MACROD2: variants seen among roughly 807,000 people sequenced by gnomAD.
The protein encoded by MACROD2 is mono-ADP ribosylhydrolase 2, also known as ADP-ribose glycohydrolase MACROD2.
A neutral mutation model predicts 70.4 loss-of-function variants in MACROD2; 36 were observed. The ratio of observed to expected loss-of-function variants is 0.51; its 90% CI spans 0.39 to 0.68. MACROD2 has a LOEUF of 0.68. MACROD2 is among the 30% of genes least tolerant of loss of function. The pLI, the probability that MACROD2 is intolerant of heterozygous loss-of-function variation, is 0.00. For missense variants in MACROD2, 496 were observed against 538.4 expected (o/e 0.92, Z 0.78); for synonymous variants, 172 against 178.8 (o/e 0.96, Z 0.30).
chr20:14,378,100 C>T (rs150487206), intron 3 of MACROD2, among the ~76,000 whole-genome samples: 2 of 152,294 alleles, frequency 1.3e-5, no homozygotes, highest in East Asian at 1.9e-4. Flanking sequence ...TATTGAAAGA[C>T]AAATTGCTAG....
chr20:15,072,374 A>C (rs1022667124), intron 5 of MACROD2, among the ~76,000 whole-genome samples: 1 of 152,180 alleles, frequency 6.6e-6, no homozygotes, highest in East Asian at 1.9e-4. Context: ...AGGATAATTC[A>C]TTTTTCACTG....
intron 3 of MACROD2, among the ~76,000 whole-genome samples, chr20:14,168,893 A>C (rs747449067): frequency 6.6e-6 from 1 of 152,228 alleles, no homozygotes; most frequent in Non-Finnish European, 1.5e-5. Flanking sequence ...AGGAAAGGAC[A>C]TAACAAAAAA....
At chr20:15,182,007 C>A (rs2076504307) in intron 5 of MACROD2, among the ~76,000 whole-genome samples, 1 of 151,618 alleles carries the variant, frequency 6.6e-6, no homozygotes, top group Non-Finnish European at 1.5e-5. Context: ...AATAGGTGGT[C>A]AGATCATACC....
intron 2 of MACROD2, among the ~76,000 whole-genome samples, chr20:14,031,789 G>A (rs932328624): frequency 1.3e-5 from 2 of 152,066 alleles, no homozygotes; most frequent in African/African-American, 2.4e-5. Flanking sequence ...TAAAAATTAG[G>A]TGATTATCTT....
chr20:14,976,779 G>T (rs2423890), intron 5 of MACROD2, among the ~76,000 whole-genome samples: 1 of 151,928 alleles, frequency 6.6e-6, no homozygotes, highest in Non-Finnish European at 1.5e-5. Flanking sequence ...CCTTGCTGTG[G>T]TCCCATTTCC....
rs192015227 is a variant in MACROD2 at position 14,047,065 on chromosome 20, A to G, written c.164-38556A>G. On this transcript the variant is annotated intron_variant, in intron 2 of 17. Transcript: ENST00000684519. ...TAGAAAACAAATTACAGATGAGTAT[A>G]TAATGTGATACTCACATGAAGCTTA... Among the ~76,000 whole-genome samples, 517 of 152,282 alleles carry G rather than the reference A, an allele frequency of 3.4e-3. 12 individuals are homozygous for G. The highest frequency in any genetic ancestry group is 0.031 in the Admixed American group (468 of 15,294).
At chr20:14,359,242 T>C (rs1461148686) in intron 3 of MACROD2, among the ~76,000 whole-genome samples, 2 of 151,964 alleles carry the variant, frequency 1.3e-5, no homozygotes, top group East Asian at 3.9e-4. Context: ...TCATGAATAA[T>C]TATCTGTAGG....
intron 4 of MACROD2, among the ~76,000 whole-genome samples, chr20:14,622,461 G>A (rs1983886952): frequency 6.6e-6 from 1 of 152,096 alleles, no homozygotes. Flanking sequence ...CTATGCAAAT[G>A]AATAAAACTT....
At chr20:15,537,727 G>A (rs1448171422) in intron 8 of MACROD2, among the ~76,000 whole-genome samples, 3 of 151,978 alleles carry the variant, frequency 2.0e-5, no homozygotes, top group Non-Finnish European at 4.4e-5. Context: ...GCCCACCTTG[G>A]CCTCCCAAAG....
intron 10 of MACROD2, among the ~76,000 whole-genome samples, chr20:15,917,437 G>A (rs1012433551): frequency 2.0e-5 from 3 of 152,126 alleles, no homozygotes; most frequent in Non-Finnish European, 4.4e-5. Flanking sequence ...TCTCCAACAA[G>A]CAGAGTGAAA....
intron 2 of MACROD2, among the ~76,000 whole-genome samples, chr20:14,070,226 C>G (rs918007280): frequency 2.0e-5 from 3 of 152,086 alleles, no homozygotes; most frequent in Non-Finnish European, 4.4e-5. Context: ...TATTAATTAG[C>G]CTACGAGAGA....
At chr20:14,992,157 C>T (rs1237416530) in intron 5 of MACROD2, among the ~76,000 whole-genome samples, 3 of 152,090 alleles carry the variant, frequency 2.0e-5, no homozygotes, top group Admixed American at 6.5e-5. Context: ...TCATTTATTT[C>T]TGGGTAAGTA....
intron 4 of MACROD2, among the ~76,000 whole-genome samples, chr20:14,606,721 G>T (rs372716837): frequency 6.9e-4 from 105 of 152,026 alleles, no homozygotes; most frequent in Middle Eastern, 3.4e-3. Context: ...AAATTTTTTT[G>T]TGTGTGTGAT....
intron 2 of MACROD2, among the ~76,000 whole-genome samples, chr20:14,049,502 AG>A (rs1378796887): frequency 2.6e-5 from 4 of 151,586 alleles, no homozygotes; most frequent in African/African-American, 9.7e-5. Context: ...GCACTTTGGG[AG>A]GCCGAGGTGG....
At chr20:15,188,405 TG>T (rs749748766) in intron 5 of MACROD2, among the ~76,000 whole-genome samples, 7 of 152,194 alleles carry the variant, frequency 4.6e-5, no homozygotes, top group Non-Finnish European at 7.3e-5. Context: ...TCGAGCAACA[TG>T]GTTAGTATAT....
At chr20:15,637,588 GCT>G (rs1184092811) in intron 8 of MACROD2, among the ~76,000 whole-genome samples, 8 of 152,192 alleles carry the variant, frequency 5.3e-5, no homozygotes, top group Non-Finnish European at 1.0e-4. Context: ...TCAAGTAGCT[GCT>G]CTATTTTTGA....
At position 14,264,019 on chromosome 20, in the gene MACROD2, AC is replaced by A. The variant is rs1568527538; in HGVS notation, c.271+178292del. ...CACACACACACACACACACACACAC[AC>A]ACACACAACACAAGTGAAGGAAAAA... On this transcript the variant is annotated intron_variant, in intron 3 of 17. Coordinates refer to ENST00000684519, the MANE Select transcript of MACROD2 (RefSeq NM_001351661.2). Among the ~76,000 whole-genome samples the A allele has an allele frequency of 6.5e-4, 84 of 129,144 alleles. 1 individual carries two copies. Among genetic ancestry groups the A allele is most frequent in the Middle Eastern group, 7.7e-3 (2 of 260 alleles). 84.7% of individuals were successfully genotyped at this position (129,144 alleles called of 152,430 possible). A position where few individuals can be genotyped will look rare whatever the true frequency, so the allele number is the denominator to read the frequency against.
intron 5 of MACROD2, among the ~76,000 whole-genome samples, chr20:14,799,138 T>C (rs1016650282): frequency 2.0e-5 from 3 of 152,046 alleles, no homozygotes; most frequent in Non-Finnish European, 4.4e-5. Flanking sequence ...AAAAAAGTTA[T>C]GAAATACAAT....
chr20:15,094,000 G>T (rs773708220), intron 5 of MACROD2, among the ~76,000 whole-genome samples: 5 of 152,182 alleles, frequency 3.3e-5, no homozygotes, highest in Non-Finnish European at 7.3e-5. Flanking sequence ...GTCCATTGAA[G>T]GGTTGGTCAA....
Sources: allele counts gnomAD v4.1 joint callset (sites outside exome capture counted in the v4.1 genomes callset), GRCh38; gene constraint gnomAD v4.1.1; transcripts MANE v1.5; gene names NCBI Gene and HGNC (gene_info 2026-07-23, HGNC 2026-07-21).